Variants in BEND5 observed in about 807,000 individuals in gnomAD.
BEND5 encodes the protein BEN domain-containing protein 5.
A neutral mutation model predicts 43.9 loss-of-function variants in BEND5; 22 were observed. That is an observed-to-expected ratio of 0.50 (90% CI 0.36 to 0.72). The LOEUF (loss-of-function observed/expected upper bound fraction) is 0.72, where lower values mean the gene tolerates loss of function less well. Among genes scored for constraint, BEND5 ranks in the 30% least tolerant of loss-of-function variants. BEND5 has a pLI of 0.00. For missense variants in BEND5, 428 were observed against 550.6 expected, an observed-to-expected ratio of 0.78 and a Z score of 2.23; for synonymous variants, 228 against 225.9, an observed-to-expected ratio of 1.01 and a Z score of -0.08.
intron 1 of BEND5, among the ~76,000 whole-genome samples, chr1:48,772,618 TA>T (rs2148698128): frequency 6.6e-6 from 1 of 152,250 alleles, no homozygotes; most frequent in East Asian, 1.9e-4. Flanking sequence ...GCTAAGAAAC[TA>T]AAACTTTTTT....
chr1:48,759,457 T>G (rs1644137884), intron 2 of BEND5, 173 bp from the exon 3 acceptor site: 1 of 1,193,576 alleles, frequency 8.4e-7, no homozygotes, highest in Non-Finnish European at 1.1e-6. Context: ...GGGGAAACAT[T>G]TTATAAATTT....
At chr1:48,749,003 G>T (rs1651223880) in intron 3 of BEND5, among the ~76,000 whole-genome samples, 1 of 152,094 alleles carries the variant, frequency 6.6e-6, no homozygotes, top group Non-Finnish European at 1.5e-5. Flanking sequence ...CTGAACCACA[G>T]AGCAGCAGAG....
intron 5 of BEND5, among the ~76,000 whole-genome samples, chr1:48,733,790 C>T (rs540061789): frequency 1.1e-4 from 16 of 152,052 alleles, no homozygotes; most frequent in South Asian, 4.2e-4. Context: ...TTTGGTCAGG[C>T]GATCAGCTTG....
intron 2 of BEND5, among the ~76,000 whole-genome samples, chr1:48,760,262 C>T (rs753920680): frequency 6.6e-6 from 1 of 152,180 alleles, no homozygotes; most frequent in Non-Finnish European, 1.5e-5. Flanking sequence ...GTGAGAGTTA[C>T]AAGATCAAAT....
intron 3 of BEND5, among the ~76,000 whole-genome samples, chr1:48,754,636 C>A (rs1326766145): frequency 2.0e-5 from 3 of 152,066 alleles, no homozygotes; most frequent in African/African-American, 7.2e-5. Context: ...GGTCACGGGG[C>A]AAAAGTTTAC....
At chr1:48,734,971 G>A (rs1461365715) in intron 5 of BEND5, among the ~76,000 whole-genome samples, 4 of 152,176 alleles carry the variant, frequency 2.6e-5, no homozygotes, top group East Asian at 3.8e-4. Context: ...CTGCTGGCTC[G>A]GGTTCCTGGC....
At chr1:48,774,347 A>C (rs1277990876) in intron 1 of BEND5, among the ~76,000 whole-genome samples, 1 of 152,180 alleles carries the variant, frequency 6.6e-6, no homozygotes, top group African/African-American at 2.4e-5. Context: ...GAAGATACAT[A>C]GGAGTTATTC....
At chr1:48,749,296 CCT>C (rs1219763425) in intron 3 of BEND5, among the ~76,000 whole-genome samples, 2 of 152,092 alleles carry the variant, frequency 1.3e-5, no homozygotes, top group Admixed American at 6.6e-5. Flanking sequence ...TTAACAGCTC[CCT>C]GACTAGAACA....
At chr1:48,753,674 G>A (rs551099027) in intron 3 of BEND5, among the ~76,000 whole-genome samples, 1 of 152,254 alleles carries the variant, frequency 6.6e-6, no homozygotes, top group Admixed American at 6.5e-5. Context: ...TAGCCAACAG[G>A]ACATTTTCTC....
chr1:48,760,319 G>A (rs1644187685), intron 2 of BEND5, among the ~76,000 whole-genome samples: 1 of 152,176 alleles, frequency 6.6e-6, no homozygotes, highest in South Asian at 2.1e-4. Context: ...CCTGACTGGG[G>A]CATGTGTAGG....
chr1:48,762,612 TTTTGTGTGTGTGTGTGTGTGTGTGTGTG>T (rs1298681803), intron 1 of BEND5, among the ~76,000 whole-genome samples: 13 of 127,984 alleles, frequency 1.0e-4, no homozygotes, highest in African/African-American at 4.2e-4. Context: ...TCTTTAAGGG[TTTTGTGTGTGTGTGTGTGTGTGTGTGTG>T]TGTGTGTGTG....
rs1332198336 is a variant in BEND5, at chr1:48,732,503, TGCAGAGAC to T, written c.1108+3728_1108+3735del. Among the ~76,000 whole-genome samples, 659 of 152,270 alleles carry T rather than the reference TGCAGAGAC, an allele frequency of 4.3e-3. 5 individuals carry two copies. Among genetic ancestry groups the T allele is most frequent in the African/African-American group, 0.015 (631 of 41,540 alleles). On this transcript the variant is annotated intron_variant, in intron 5 of 5. Coordinates refer to ENST00000371833, the MANE Select transcript of BEND5 (RefSeq NM_024603.4). ...TAAAAAAAGTAAATAGGAAATGCTA[TGCAGAGAC>T]TTGGAGTAGGGTGATGTGACAGACA...
intron 3 of BEND5, among the ~76,000 whole-genome samples, chr1:48,754,500 A>T (rs186443441): frequency 6.6e-6 from 1 of 152,270 alleles, no homozygotes; most frequent in Admixed American, 6.5e-5. Context: ...AAACATCTGT[A>T]CCTTGTACAT....
chr1:48,761,498 TC>T (rs1217858970), intron 1 of BEND5, 28 bp from the exon 2 acceptor site: 2 of 1,543,446 alleles, frequency 1.3e-6, no homozygotes, highest in Non-Finnish European at 8.7e-7. Flanking sequence ...AGAACAAGGT[TC>T]ATCATGAGTT....
chr1:48,763,293 G>T (rs1300509151), intron 1 of BEND5, among the ~76,000 whole-genome samples: 1 of 152,168 alleles, frequency 6.6e-6, no homozygotes, highest in Non-Finnish European at 1.5e-5. Context: ...TGCACTCATT[G>T]TGCCTATAAA....
chr1:48,740,612 T>C (rs966833698), intron 4 of BEND5, among the ~76,000 whole-genome samples: 1 of 152,224 alleles, frequency 6.6e-6, no homozygotes, highest in African/African-American at 2.4e-5. Context: ...ATTAAAAATA[T>C]GGCATCTGGT....
intron 3 of BEND5, among the ~76,000 whole-genome samples, chr1:48,753,830 C>T (rs1303065512): frequency 6.6e-6 from 1 of 152,196 alleles, no homozygotes; most frequent in Non-Finnish European, 1.5e-5. Context: ...ACTGTTATTA[C>T]TCTAGTTATC....
chr1:48,763,577 T>C (rs1644384756), intron 1 of BEND5, among the ~76,000 whole-genome samples: 1 of 152,146 alleles, frequency 6.6e-6, no homozygotes, highest in Non-Finnish European at 1.5e-5. Flanking sequence ...GCAAAGCTCC[T>C]GGACTAGTCT....
intron 4 of BEND5, among the ~76,000 whole-genome samples, chr1:48,738,080 C>T (rs985229843): frequency 4.6e-5 from 7 of 152,294 alleles, no homozygotes; most frequent in African/African-American, 1.4e-4. Context: ...AATTAAAGAT[C>T]TTTCTACTAC....
Sources: allele counts gnomAD v4.1 joint callset (sites outside exome capture counted in the v4.1 genomes callset), GRCh38; gene constraint gnomAD v4.1.1; transcripts MANE v1.5; gene names NCBI Gene and HGNC (gene_info 2026-07-23, HGNC 2026-07-21).